EPHA6: variants seen among roughly 807,000 people sequenced by gnomAD.
EPHA6 encodes ephrin type-A receptor 6.
In EPHA6, 50 loss-of-function variants were observed where a neutral mutation model predicts 112.0. The ratio of observed to expected loss-of-function variants is 0.45; its 90% CI spans 0.36 to 0.56. EPHA6 has a LOEUF of 0.56. EPHA6 is among the 20% of genes least tolerant of loss of function. The probability of loss-of-function intolerance (pLI) is 0.00; values close to 1 mark genes in which losing one functional copy is unlikely to be tolerated. For missense variants in EPHA6, 1,280 were observed against 1,417.4 expected (o/e 0.90, Z 1.56); for synonymous variants, 529 against 490.7 (o/e 1.08, Z -1.03).
chr3:97,398,969 C>T (rs960584656), intron 5 of EPHA6, among the ~76,000 whole-genome samples: 3 of 151,340 alleles, frequency 2.0e-5, no homozygotes, highest in African/African-American at 4.8e-5. Context: ...ATTCAAAATC[C>T]TGTCTTCTAG....
At chr3:97,048,782 G>A (rs112408808) in intron 3 of EPHA6, among the ~76,000 whole-genome samples, 4,555 of 152,194 alleles carry the variant, frequency 0.03, 114 homozygotes, top group Non-Finnish European at 0.048. Flanking sequence ...TAAATGAGGA[G>A]GAGAGAAAGA....
chr3:96,951,848 T>C (rs1365748989), intron 2 of EPHA6, among the ~76,000 whole-genome samples: 1 of 152,130 alleles, frequency 6.6e-6, no homozygotes, highest in Non-Finnish European at 1.5e-5. Flanking sequence ...TCTTAGGTCA[T>C]ATATTATAGC....
chr3:97,467,380 C>G (rs1205845562), intron 7 of EPHA6, among the ~76,000 whole-genome samples: 1 of 151,638 alleles, frequency 6.6e-6, no homozygotes, highest in African/African-American at 2.4e-5. Context: ...TTTGTGATCC[C>G]TAATGATTAT....
chr3:97,172,829 A>G (rs1373639112), intron 3 of EPHA6, among the ~76,000 whole-genome samples: 1 of 151,976 alleles, frequency 6.6e-6, no homozygotes, highest in African/African-American at 2.4e-5. Context: ...TGTTGCTCAA[A>G]TGACCGGTTA....
At chr3:97,679,533 T>C (rs2031689411) in intron 14 of EPHA6, among the ~76,000 whole-genome samples, 1 of 152,184 alleles carries the variant, frequency 6.6e-6, no homozygotes, top group Non-Finnish European at 1.5e-5. Flanking sequence ...TACTATAATA[T>C]GGCACATGCT....
At chr3:96,842,454 AT>A (rs1181910615) in intron 1 of EPHA6, among the ~76,000 whole-genome samples, 1 of 152,020 alleles carries the variant, frequency 6.6e-6, no homozygotes, top group African/African-American at 2.4e-5. Flanking sequence ...TCCAGATTAT[AT>A]CCGAGAGGTT....
At chr3:97,072,596 A>G (rs1416113697) in intron 3 of EPHA6, among the ~76,000 whole-genome samples, 1 of 152,108 alleles carries the variant, frequency 6.6e-6, no homozygotes, top group African/African-American at 2.4e-5. Context: ...TGGCAGTCCT[A>G]CAAAACTAAT....
intron 3 of EPHA6, among the ~76,000 whole-genome samples, chr3:97,058,805 C>T (rs1156794540): frequency 6.6e-6 from 1 of 152,110 alleles, no homozygotes; most frequent in Non-Finnish European, 1.5e-5. Context: ...ATAGAGGTAG[C>T]TTGAACAAGA....
chr3:97,027,239 G>A (rs1454790937), intron 3 of EPHA6, among the ~76,000 whole-genome samples: 1 of 152,158 alleles, frequency 6.6e-6, no homozygotes, highest in African/African-American at 2.4e-5. Context: ...GCTAAATTAT[G>A]AGAACACATG....
At chr3:97,564,875 G>A (rs993179159) in intron 11 of EPHA6, among the ~76,000 whole-genome samples, 2 of 152,112 alleles carry the variant, frequency 1.3e-5, no homozygotes, top group African/African-American at 4.8e-5. Context: ...GCTTAGGCAT[G>A]TTTCAAGTAA....
At chr3:96,940,664 T>G (rs1276429846) in intron 2 of EPHA6, among the ~76,000 whole-genome samples, 1 of 152,194 alleles carries the variant, frequency 6.6e-6, no homozygotes, top group Non-Finnish European at 1.5e-5. Context: ...GTTATTTTGT[T>G]CGTTAGTTGA....
At chr3:96,850,544 A>T (rs2035322202) in intron 1 of EPHA6, among the ~76,000 whole-genome samples, 1 of 152,130 alleles carries the variant, frequency 6.6e-6, no homozygotes, top group Non-Finnish European at 1.5e-5. Flanking sequence ...GAATTTTCTT[A>T]AGGTGGTCAC....
chr3:97,271,338 C>CT (rs1373450168), intron 5 of EPHA6, among the ~76,000 whole-genome samples: 2 of 152,190 alleles, frequency 1.3e-5, no homozygotes, highest in Admixed American at 1.3e-4. Flanking sequence ...TTTTACTGTC[C>CT]TTTTGTGTGC....
At chr3:97,089,337 C>T (rs1576466955) in intron 3 of EPHA6, among the ~76,000 whole-genome samples, 1 of 152,056 alleles carries the variant, frequency 6.6e-6, no homozygotes, top group East Asian at 1.9e-4. Flanking sequence ...TCACAGTTTG[C>T]TTTTTTAACA....
At chr3:96,868,193 A>AGT (rs35241894) in intron 2 of EPHA6, among the ~76,000 whole-genome samples, 9,168 of 148,054 alleles carry the variant, frequency 0.062, 811 homozygotes, top group African/African-American at 0.2. Flanking sequence ...AGAGAGACAG[A>AGT]GTGTGTGTGT....
intron 16 of EPHA6, among the ~76,000 whole-genome samples, chr3:97,736,623 A>G (rs2035275762): frequency 6.6e-6 from 1 of 151,872 alleles, no homozygotes; most frequent in Non-Finnish European, 1.5e-5. Context: ...TCCTGCTGAT[A>G]TGATCACATC....
At chr3:97,166,517 T>C (rs2076547206) in intron 3 of EPHA6, among the ~76,000 whole-genome samples, 1 of 152,090 alleles carries the variant, frequency 6.6e-6, no homozygotes, top group African/African-American at 2.4e-5. Flanking sequence ...AAAACAGTTT[T>C]CTCTCATGGT....
chr3:96,919,234 C>A (rs1212173659), intron 2 of EPHA6, among the ~76,000 whole-genome samples: 3 of 151,812 alleles, frequency 2.0e-5, no homozygotes, highest in Non-Finnish European at 3.0e-5. Context: ...ATAATTAGAT[C>A]ATCTGTTAGT....
intron 3 of EPHA6, among the ~76,000 whole-genome samples, chr3:97,174,325 A>G (rs2076777113): frequency 6.6e-6 from 1 of 151,792 alleles, no homozygotes; most frequent in African/African-American, 2.4e-5. Context: ...TTGCTTCCAA[A>G]TCTTAACTAT....
Sources: allele counts gnomAD v4.1 joint callset (sites outside exome capture counted in the v4.1 genomes callset), GRCh38; gene constraint gnomAD v4.1.1; transcripts MANE v1.5; gene names NCBI Gene and HGNC (gene_info 2026-07-23, HGNC 2026-07-21).